CACNA2D3: variants seen among roughly 807,000 people sequenced by gnomAD.
CACNA2D3 encodes the protein voltage-dependent calcium channel subunit alpha-2/delta-3.
CACNA2D3 carries 60 observed loss-of-function variants against 160.6 expected under a neutral mutation model. The observed-to-expected ratio is 0.37, with a 90% CI of 0.30 to 0.46. The LOEUF is 0.46. Ranked by LOEUF, CACNA2D3 falls within the 20% of genes least tolerant of loss-of-function variation. CACNA2D3 has a pLI of 1.00. For missense variants in CACNA2D3, 1,205 were observed against 1,365.0 expected (o/e 0.88, Z 1.85); for synonymous variants, 558 against 492.9 (o/e 1.13, Z -1.75).
chr3:54,269,716 A>T (rs1702583468), intron 2 of CACNA2D3, among the ~76,000 whole-genome samples: 2 of 152,192 alleles, frequency 1.3e-5, no homozygotes, highest in Admixed American at 1.3e-4. Context: ...AGGTGTCCAG[A>T]GATGAATGGG....
intron 13 of CACNA2D3, among the ~76,000 whole-genome samples, chr3:54,806,693 GA>G (rs1244127104): frequency 1.3e-5 from 2 of 152,024 alleles, no homozygotes; most frequent in East Asian, 1.9e-4. Context: ...CACAGAATTG[GA>G]AAAAACTACT....
chr3:54,427,299 C>T (rs1020316012), intron 4 of CACNA2D3, among the ~76,000 whole-genome samples: 2 of 152,128 alleles, frequency 1.3e-5, no homozygotes, highest in Admixed American at 6.5e-5. Context: ...TTTAAATTAG[C>T]AAACATCTCG....
intron 13 of CACNA2D3, among the ~76,000 whole-genome samples, chr3:54,770,394 A>G (rs1459998451): frequency 6.6e-6 from 1 of 152,234 alleles, no homozygotes; most frequent in Non-Finnish European, 1.5e-5. Context: ...TGACGATTCA[A>G]ACAATTTTGA....
At chr3:54,164,740 G>A (rs1025450858) in intron 2 of CACNA2D3, among the ~76,000 whole-genome samples, 2 of 152,106 alleles carry the variant, frequency 1.3e-5, no homozygotes, top group South Asian at 4.1e-4. Context: ...ACTACCCTCT[G>A]CCCACTTCTG....
intron 4 of CACNA2D3, among the ~76,000 whole-genome samples, chr3:54,488,005 G>A (rs899397433): frequency 6.6e-6 from 1 of 152,222 alleles, no homozygotes; most frequent in African/African-American, 2.4e-5. Context: ...TGTGGAGCCA[G>A]CATTTGTGCT....
intron 5 of CACNA2D3, among the ~76,000 whole-genome samples, chr3:54,512,691 T>G (rs551574241): frequency 1.3e-5 from 2 of 152,226 alleles, no homozygotes; most frequent in South Asian, 4.1e-4. Context: ...CTGCTCATGA[T>G]GCATGGATGT....
At chr3:54,143,240 T>C (rs1295888422) in intron 2 of CACNA2D3, among the ~76,000 whole-genome samples, 1 of 152,168 alleles carries the variant, frequency 6.6e-6, no homozygotes, top group Non-Finnish European at 1.5e-5. Context: ...AAATGCTGAG[T>C]TCATTATTGC....
intron 4 of CACNA2D3, among the ~76,000 whole-genome samples, chr3:54,464,035 A>C (rs906008166): frequency 6.6e-6 from 1 of 152,118 alleles, no homozygotes; most frequent in Non-Finnish European, 1.5e-5. Context: ...CTAGAGGTGC[A>C]CTCCAGACCC....
rs555714695 is a variant in CACNA2D3 at position 55,073,996 on chromosome 3, A to G, written c.3184-118A>G. The G allele has an allele frequency of 6.6e-5, 72 of 1,088,504 alleles. 1 individual carries two copies. In the African/African-American group the frequency reaches 8.1e-4, roughly 12 times the overall value. 67.4% of individuals were successfully genotyped at this position (1,088,504 alleles called of 1,614,324 possible). On this transcript the variant is annotated intron_variant, in intron 37 of 37. Transcript: ENST00000474759. ...TCATTCAGTAAACTGAATCTGCACC[A>G]TCATCTAGGTCCCAGAAGACTTCGT... is the stretch of plus-strand genomic sequence containing the variant.
intron 2 of CACNA2D3, among the ~76,000 whole-genome samples, chr3:54,191,506 A>G (rs1275525046): frequency 6.6e-6 from 1 of 152,134 alleles, no homozygotes; most frequent in Admixed American, 6.5e-5. Flanking sequence ...TTTGTAATCT[A>G]GTACCCAGGG....
At chr3:54,818,932 CAG>C (rs1703522657) in intron 14 of CACNA2D3, among the ~76,000 whole-genome samples, 1 of 152,152 alleles carries the variant, frequency 6.6e-6, no homozygotes, top group African/African-American at 2.4e-5. Flanking sequence ...ACGTAAACCT[CAG>C]GTATCTAGGC....
At chr3:54,359,875 G>A (rs1698712571) in intron 3 of CACNA2D3, among the ~76,000 whole-genome samples, 1 of 152,088 alleles carries the variant, frequency 6.6e-6, no homozygotes, top group African/African-American at 2.4e-5. Flanking sequence ...CCACTTCATG[G>A]GGCCATCTAA....
At chr3:55,054,216 C>T (rs1033288422) in intron 35 of CACNA2D3, among the ~76,000 whole-genome samples, 1 of 151,834 alleles carries the variant, frequency 6.6e-6, no homozygotes, top group African/African-American at 2.4e-5. Flanking sequence ...AGTATTTCTT[C>T]AGTGTATTTT....
chr3:54,563,055 C>G, intron 6 of CACNA2D3, 124 bp downstream of exon 6: 1 of 908,780 alleles, frequency 1.1e-6, no homozygotes, highest in South Asian at 1.7e-5. Context: ...AAGATGAATT[C>G]CAAACCTATT....
At chr3:54,476,046 A>ATT (rs35383482) in intron 4 of CACNA2D3, among the ~76,000 whole-genome samples, 14,313 of 135,204 alleles carry the variant, frequency 0.11, 1,041 homozygotes, top group Admixed American at 0.18. Context: ...TGTAAGTTTG[A>ATT]TTTTTTTTTT....
At chr3:54,274,745 A>G (rs371348848) in intron 2 of CACNA2D3, among the ~76,000 whole-genome samples, 6 of 152,136 alleles carry the variant, frequency 3.9e-5, no homozygotes, top group Non-Finnish European at 5.9e-5. Context: ...CTAGGGGGGA[A>G]CTGCATCCAG....
In CACNA2D3 at chr3:54,324,113, A is replaced by T. The variant is rs558687084; in HGVS notation, c.321+3555A>T. Reference sequence around the variant, plus strand: ...AACTAGGTTCAGTTAGTGCTGGGGGAAAAAAATGGAGTACTACAATAACCT... The same window carrying T: ...AACTAGGTTCAGTTAGTGCTGGGGGTAAAAAATGGAGTACTACAATAACCT... On this transcript the variant is annotated intron_variant, in intron 3 of 37. Transcript: ENST00000474759. Among the ~76,000 whole-genome samples, 3 of 152,236 alleles carry T rather than the reference A, an allele frequency of 2.0e-5. No homozygotes were observed. The South Asian group carries it at 6.2e-4, about 32-fold the overall frequency.
At chr3:54,781,289 T>G (rs574755548) in intron 13 of CACNA2D3, among the ~76,000 whole-genome samples, 30 of 152,190 alleles carry the variant, frequency 2.0e-4, no homozygotes, top group Non-Finnish European at 3.4e-4. Flanking sequence ...TCTGGTGATT[T>G]CCCCAGACTT....
intron 14 of CACNA2D3, among the ~76,000 whole-genome samples, chr3:54,817,735 T>G (rs901104310): frequency 2.6e-5 from 4 of 152,200 alleles, no homozygotes; most frequent in African/African-American, 9.7e-5. Context: ...ACAACTGCTC[T>G]ACTAAAGACA....
Sources: gnomAD v4.1 joint callset for allele counts (sites outside exome capture counted in the v4.1 genomes callset) on GRCh38, gnomAD v4.1.1 for gene constraint, MANE v1.5 for transcripts, NCBI Gene and HGNC (gene_info 2026-07-23, HGNC 2026-07-21) for gene names.